HADHA: variants seen among roughly 807,000 people sequenced by gnomAD.
HADHA encodes trifunctional enzyme subunit alpha, mitochondrial.
Under a neutral mutation model 91.3 loss-of-function variants are expected in HADHA, and 59 were observed. The ratio of observed to expected loss-of-function variants is 0.65; its 90% CI spans 0.52 to 0.80. HADHA has a LOEUF of 0.80. Among genes scored for constraint, HADHA ranks in the 30% least tolerant of loss-of-function variants. HADHA has a pLI of 0.00. For missense variants in HADHA, 800 were observed against 927.6 expected (o/e 0.86, Z 1.79); for synonymous variants, 320 against 338.9 (o/e 0.94, Z 0.61).
At chr2:26,215,977 G>A (rs910323461) in intron 7 of HADHA, among the ~76,000 whole-genome samples, 1 of 152,212 alleles carries the variant, frequency 6.6e-6, no homozygotes, top group Non-Finnish European at 1.5e-5. Flanking sequence ...AGAGGTTACA[G>A]AGCTAGGCTC....
In HADHA at chr2:26,214,609, C is replaced by T; in HGVS notation, c.800-48G>A. 1 of 982,948 alleles carries T rather than the reference C, an allele frequency of 1.0e-6. No homozygotes were observed. Among genetic ancestry groups the T allele is most frequent in the South Asian group, 1.3e-5 (1 of 78,172 alleles). 60.9% of individuals were successfully genotyped at this position (982,948 alleles called of 1,614,324 possible). Reference sequence around the variant, plus strand: ...ATATTTACTATAAAGAGCCTAGATTCCCTTGTTAGTTTATGCTCTAAACTC... The same window carrying T: ...ATATTTACTATAAAGAGCCTAGATTTCCTTGTTAGTTTATGCTCTAAACTC... On this transcript the variant is annotated intron_variant, in intron 8 of 19. Transcript: ENST00000380649. The surrounding 1 kb of genome is among the most constrained non-coding windows in gnomAD (Gnocchi z 4.1).
intron 7 of HADHA, among the ~76,000 whole-genome samples, chr2:26,219,650 A>G (rs542089690): frequency 1.3e-5 from 2 of 152,284 alleles, no homozygotes; most frequent in East Asian, 3.9e-4. Context: ...TGCAATGGGG[A>G]TAAAGGAATC....
At position 26,192,307 on chromosome 2, in the gene HADHA, T is replaced by TA. The variant is rs1350481102; in HGVS notation, c.2000+2dup. The TA allele has an allele frequency of 6.7e-7, 1 of 1,490,056 alleles. No homozygotes were observed. The highest frequency in any genetic ancestry group is 1.4e-5 in the African/African-American group (1 of 72,482). The allele number at this position is 1,490,056 out of a possible 1,614,324, so 92.3% of individuals were successfully genotyped here. Reference sequence around the variant, plus strand: ...CAGGCATTAGCCACTCAAACGGACTTACACTTCAGACTTAGGAGGCAGCTT... The same window carrying TA: ...CAGGCATTAGCCACTCAAACGGACTTAACACTTCAGACTTAGGAGGCAGCTT... On this transcript the variant is annotated splice_region_variant and intron_variant, in intron 18 of 19. Coordinates refer to ENST00000380649, the MANE Select transcript of HADHA (RefSeq NM_000182.5).
At chr2:26,208,567 A>C (rs1670021541) in intron 11 of HADHA, among the ~76,000 whole-genome samples, 1 of 152,132 alleles carries the variant, frequency 6.6e-6, no homozygotes. Flanking sequence ...AAGTTGGTGT[A>C]TCTAGGTTTT....
intron 6 of HADHA, among the ~76,000 whole-genome samples, chr2:26,231,698 G>A (rs2147780837): frequency 6.6e-6 from 1 of 152,268 alleles, no homozygotes; most frequent in Non-Finnish European, 1.5e-5. Context: ...CAGGCATGGT[G>A]GTTCATGCCT....
chr2:26,227,499 G>A (rs1465150232), intron 7 of HADHA, among the ~76,000 whole-genome samples: 5 of 128,898 alleles, frequency 3.9e-5, no homozygotes, highest in African/African-American at 1.6e-4. Flanking sequence ...GCAACAGAGC[G>A]AGACTTTGTC....
chr2:26,229,348 GCACACACACACACACA>G lies in HADHA; in HGVS notation c.676+828_676+843del, dbSNP rs5830004. 1.4e-4 allele frequency among the ~76,000 whole-genome samples: 21 copies of G among 147,518 alleles called. No homozygotes were observed. Among genetic ancestry groups the G allele is most frequent in the African/African-American group, 5.1e-4 (20 of 39,536 alleles). ...GTGAGACCCCAACATGTGTGCGCGC[GCACACACACACACACA>G]CACACACACAAAATTAATACATTTA... On this transcript the variant is annotated intron_variant, in intron 7 of 19. Coordinates refer to ENST00000380649, the MANE Select transcript of HADHA (RefSeq NM_000182.5). This position sits in a 1 kb window ranked among gnomAD's most constrained non-coding sequence, Gnocchi z 4.3.
In HADHA at chr2:26,221,871, G is replaced by T; in HGVS notation, c.677-6696C>A. Among the ~76,000 whole-genome samples the T allele has an allele frequency of 6.6e-6, 1 of 152,306 alleles. No homozygotes were observed. On this transcript the variant is annotated intron_variant, in intron 7 of 19. Coordinates refer to ENST00000380649, the MANE Select transcript of HADHA (RefSeq NM_000182.5). The surrounding 1 kb of genome is among the most constrained non-coding windows in gnomAD (Gnocchi z 4.8). ...GACAGTGCACCCGGTTGTTCATTTT[G>T]TCTAGAAAGAAAAATGGCCTGAGCT... is the stretch of plus-strand genomic sequence containing the variant.
chr2:26,230,282 C>A lies in HADHA; in HGVS notation c.586G>T (p.Ala196Ser). The stretch of plus-strand genomic sequence containing the variant: ...CCAGTCAGCATCATGTCCAAAGCAG[C>A]AGGCACACCCACCTAACAGGCAAGC... ...QRLPKMVGVP[A>S]ALDMMLTGRS... Residue 196 changes from alanine to serine, a missense_variant, in exon 7 of 20, where the codon GCT (alanine) becomes TCT (serine). Physicochemically the swap from Ala to Ser is moderately conservative, Grantham distance 99 (BLOSUM62 1). Coordinates refer to ENST00000380649, the MANE Select transcript of HADHA (RefSeq NM_000182.5). The A allele has an allele frequency of 6.2e-7, 1 of 1,610,884 alleles. No individual in the cohort carries two copies. The highest frequency in any genetic ancestry group is 1.7e-4 in the Middle Eastern group (1 of 6,060).
At position 26,219,006 on chromosome 2, in the gene HADHA, C is replaced by CAAAA. The variant is rs371567909; in HGVS notation, c.677-3835_677-3832dup. 7.8e-5 allele frequency among the ~76,000 whole-genome samples: 8 copies of CAAAA among 102,660 alleles called. 2 individuals carry two copies. In the East Asian group the frequency reaches 1.1e-3, roughly 15 times the overall value. The allele number at this position is 102,660 out of a possible 152,430, so 67.3% of individuals were successfully genotyped here. A position where few individuals can be genotyped will look rare whatever the true frequency, so the allele number is the denominator to read the frequency against. On this transcript the variant is annotated intron_variant, in intron 7 of 19. Transcript: ENST00000380649. ...TGGGCAACAGAGCAAGACTCCGTCT[C>CAAAA]AAAAAAAAAAAAAAAAAGAAAGAAA...
In HADHA at chr2:26,193,701, C is replaced by T. The variant is rs1669578703; in HGVS notation, c.1761G>A (p.Leu587=). The T allele has an allele frequency of 1.2e-6, 2 of 1,613,836 alleles. No homozygotes were observed. The highest frequency in any genetic ancestry group is 1.7e-6 in the Non-Finnish European group (2 of 1,179,826). ...SFGFPVGAAT[L]VDEVGVDVAK... The stretch of plus-strand genomic sequence containing the variant: ...CTACATCCACACCAACTTCATCCAC[C>T]AGTGTGGCGGCACCCACAGGAAAGC... The change falls in exon 17 of 20, where the codon CTG becomes CTA. Residue 587 remains leucine, a synonymous_variant. Transcript: ENST00000380649.
intron 11 of HADHA, among the ~76,000 whole-genome samples, chr2:26,205,567 C>T (rs902442260): frequency 5.3e-5 from 8 of 152,186 alleles, no homozygotes; most frequent in African/African-American, 1.4e-4. Flanking sequence ...CGCCTGTAAT[C>T]CCAGCTCTTT....
At chr2:26,230,826 G>GCA (rs1342179072) in intron 6 of HADHA, among the ~76,000 whole-genome samples, 1 of 151,970 alleles carries the variant, frequency 6.6e-6, no homozygotes, top group Non-Finnish European at 1.5e-5. Flanking sequence ...GGAGGCTGAG[G>GCA]CACAAGAATT....
In HADHA at chr2:26,210,744, T is replaced by A. The variant is rs1670082227; in HGVS notation, c.976-855A>T. 1 of 152,202 alleles carries A rather than the reference T, an allele frequency of 6.6e-6. No homozygotes were observed. Among genetic ancestry groups the A allele is most frequent in the African/African-American group, 2.4e-5 (1 of 41,458 alleles). The allele number at this position is 152,202 out of a possible 1,614,324, so 9.4% of individuals were successfully genotyped here. A position where few individuals can be genotyped will look rare whatever the true frequency, so the allele number is the denominator to read the frequency against. ...TGGAGAAAAAGTCTCAACTTGGTGG[T>A]TAAAGGCATAATATCTAGGATTTGA... On this transcript the variant is annotated intron_variant, in intron 10 of 19. Coordinates refer to ENST00000380649, the MANE Select transcript of HADHA (RefSeq NM_000182.5). This position sits in a 1 kb window ranked among gnomAD's most constrained non-coding sequence, Gnocchi z 4.0.
intron 7 of HADHA, among the ~76,000 whole-genome samples, chr2:26,220,048 A>G (rs1338134947): frequency 1.3e-5 from 2 of 152,130 alleles, no homozygotes; most frequent in African/African-American, 4.8e-5. Context: ...ACCTATGGCT[A>G]TTTGCCTTGC....
At chr2:26,199,425 GA>G (rs1403667468) in intron 13 of HADHA, 1 of 152,256 alleles carries the variant, frequency 6.6e-6, no homozygotes, top group Non-Finnish European at 1.5e-5. Flanking sequence ...ATGACTGTCA[GA>G]AAGCTTACGT....
At position 26,212,639 on chromosome 2, in the gene HADHA, T is replaced by C. The variant is rs1403624878; in HGVS notation, c.919-13A>G. The C allele has an allele frequency of 3.8e-6, 6 of 1,572,650 alleles. No individual in the cohort carries two copies. Among genetic ancestry groups the C allele is most frequent in the Non-Finnish European group, 5.3e-6 (6 of 1,142,062 alleles). ...CAGTCTTTACCACCTAAAAAACATA[T>C]AAAGCACTTGCTCAGCGTTGGAATA... On this transcript the variant is annotated splice_polypyrimidine_tract_variant and intron_variant, in intron 9 of 19. Coordinates refer to ENST00000380649, the MANE Select transcript of HADHA (RefSeq NM_000182.5).
chr2:26,193,449 C>T (rs1289793159), intron 17 of HADHA, 128 bp downstream of exon 17: 14 of 834,764 alleles, frequency 1.7e-5, no homozygotes, highest in South Asian at 4.1e-5. Flanking sequence ...TTTTTGAAAT[C>T]GCCAGTGATA....
chr2:26,239,012 GA>G lies in HADHA; in HGVS notation c.110-9del. ...AGTTAATATGGGTTCTGGCTAAAAA[GA>G]AAAGAAAGATTTATTTGTAAACATA... On this transcript the variant is annotated splice_polypyrimidine_tract_variant and intron_variant, in intron 2 of 19. Coordinates refer to ENST00000380649, the MANE Select transcript of HADHA (RefSeq NM_000182.5). 1 of 1,599,556 alleles carries G rather than the reference GA, an allele frequency of 6.3e-7. No individual in the cohort carries two copies. The highest frequency in any genetic ancestry group is 8.6e-7 in the Non-Finnish European group (1 of 1,167,048).
Sources: gnomAD v4.1 joint callset for allele counts (sites outside exome capture counted in the v4.1 genomes callset) on GRCh38, gnomAD v4.1.1 for gene constraint, Gnocchi (gnomAD v3.1) non-coding constraint, MANE v1.5 for transcripts, NCBI Gene and HGNC (gene_info 2026-07-23, HGNC 2026-07-21) for gene names.